The following KANK4 variants were observed in gnomAD, a reference collection of about 807,000 sequenced individuals.
KANK4 encodes the protein KN motif and ankyrin repeat domains 4.
A neutral mutation model predicts 80.8 loss-of-function variants in KANK4; 50 were observed. The observed-to-expected ratio is 0.62, with a 90% CI of 0.49 to 0.78. KANK4 has a LOEUF of 0.78. Ranked by LOEUF, KANK4 falls within the 30% of genes least tolerant of loss-of-function variation. The probability of loss-of-function intolerance (pLI) is 0.00; values close to 1 mark genes in which losing one functional copy is unlikely to be tolerated. For synonymous variants in KANK4, 465 were observed against 506.9 expected (o/e 0.92, Z 1.11); for missense variants, 1,196 against 1,240.1 (o/e 0.96, Z 0.53).
At chr1:62,307,853 TGAA>T (rs1047756315) in intron 1 of KANK4, among the ~76,000 whole-genome samples, 24 of 152,290 alleles carry the variant, frequency 1.6e-4, no homozygotes, top group African/African-American at 5.5e-4. Flanking sequence ...AAAAATGCTA[TGAA>T]GGTCAAACAG....
chr1:62,258,521 C>T (rs1323674016), intron 7 of KANK4, among the ~76,000 whole-genome samples: 4 of 152,172 alleles, frequency 2.6e-5, no homozygotes, highest in Non-Finnish European at 5.9e-5. Flanking sequence ...ATGTACGTTG[C>T]CTTTCCCGTT....
Position 62,273,738 on chromosome 1 carries a change from A to C in KANK4, c.1366T>G (p.Trp456Gly). Residue 456 changes from tryptophan to glycine, a missense_variant, in exon 3 of 10, where the codon TGG (tryptophan) becomes GGG (glycine). This residue lies in a region of KANK4 where 1,154 missense variants were observed against 1,179.6 expected (regional missense o/e 0.98). Coordinates refer to ENST00000371153, the MANE Select transcript of KANK4 (RefSeq NM_181712.5). ...CCTTGTTTATGACCATCTGGCCCCC[A>C]TAGGAGGCCATTCTCCTCTCCTCGG... ...GHRGEENGLL[W>G]GPDGHKQGNQ... The C allele has an allele frequency of 6.2e-7, 1 of 1,614,068 alleles. No homozygotes were observed. The highest frequency in any genetic ancestry group is 8.5e-7 in the Non-Finnish European group (1 of 1,179,970).
intron 9 of KANK4, among the ~76,000 whole-genome samples, chr1:62,242,812 T>C (rs978378803): frequency 2.0e-5 from 3 of 152,116 alleles, no homozygotes; most frequent in African/African-American, 7.2e-5. Flanking sequence ...ACGGAAATGA[T>C]ATGGTGGGTA....
intron 1 of KANK4, among the ~76,000 whole-genome samples, chr1:62,308,395 T>C (rs1207140729): frequency 6.6e-6 from 1 of 151,966 alleles, no homozygotes; most frequent in African/African-American, 2.4e-5. Context: ...GAGGATCCTG[T>C]AGAGAGCCCT....
Position 62,274,396 on chromosome 1 carries a change from C to T in KANK4, c.708G>A (p.Glu236=). 1 of 1,614,212 alleles carries T rather than the reference C, an allele frequency of 6.2e-7. No individual in the cohort carries two copies. Among genetic ancestry groups the T allele is most frequent in the Non-Finnish European group, 8.5e-7 (1 of 1,180,022 alleles). Residue 236 remains glutamate (E), a synonymous_variant, in exon 3 of 10, where the codon GAG becomes GAA. Transcript: ENST00000371153. ...ELVQEGAEPP[E]GVVKVPNHLP... ...GGTGATTTGGAACCTTCACCACACC[C>T]TCTGGAGGCTCAGCTCCCTCCTGGA... is the stretch of plus-strand genomic sequence containing the variant.
In KANK4 at chr1:62,274,662, C is replaced by A. The variant is rs1360440356; in HGVS notation, c.442G>T (p.Ala148Ser). The change falls in exon 3 of 10, where the codon GCC becomes TCC. Residue 148 changes from alanine (A) to serine (S), a missense_variant. Coordinates refer to ENST00000371153, the MANE Select transcript of KANK4 (RefSeq NM_181712.5). ...RQLEAAEPED[A>S]ELTFGSGRPQ... ...CGTCCACTCCCAAAAGTGAGCTCGG[C>A]ATCCTCTGGCTCAGCAGCTTCCAAC... 4 of 1,614,110 alleles carry A rather than the reference C, an allele frequency of 2.5e-6. No homozygotes were observed. The African/African-American group carries it at 4.0e-5, about 16-fold the overall frequency.
At position 62,302,699 on chromosome 1, in the gene KANK4, G is replaced by C. The variant is rs1644421762; in HGVS notation, c.-71+16407C>G. 3.3e-5 allele frequency among the ~76,000 whole-genome samples: 5 copies of C among 152,094 alleles called. No individual in the cohort carries two copies. In the South Asian group the frequency reaches 1.0e-3, roughly 32 times the overall value. On this transcript the variant is annotated intron_variant, in intron 1 of 9. Transcript: ENST00000371153. ...GAACCAGGAAGAGGGTTGTCCCCCA[G>C]ACGTGGAATCTGCCAGCGCTTTGAC... is the stretch of plus-strand genomic sequence containing the variant.
Position 62,271,522 on chromosome 1 carries a change from A to G in KANK4, c.1968T>C (p.Gly656=). 1 of 1,613,996 alleles carries G rather than the reference A, an allele frequency of 6.2e-7. No individual in the cohort carries two copies. ...KKKDYGFRAG[G]NGTKKNLQFV... ...ACTGAAGGTTCTTTTTGGTCCCATT[A>G]CCTCCTGCACGGAAGCCATAGTCTT... The change falls in exon 4 of 10, where the codon GGT becomes GGC. Residue 656 remains glycine (G), a synonymous_variant. Transcript: ENST00000371153.
chr1:62,313,146 A>T (rs939516769), intron 1 of KANK4, among the ~76,000 whole-genome samples: 1 of 152,180 alleles, frequency 6.6e-6, no homozygotes, highest in Non-Finnish European at 1.5e-5. Context: ...TATTGTTGTT[A>T]ATCTCTTACT....
At chr1:62,309,680 C>T (rs574971521) in intron 1 of KANK4, among the ~76,000 whole-genome samples, 2 of 152,180 alleles carry the variant, frequency 1.3e-5, no homozygotes, top group African/African-American at 4.8e-5. Flanking sequence ...TTTTTTGTCC[C>T]CATTTTACAG....
chr1:62,295,118 T>A (rs973380666), intron 1 of KANK4, among the ~76,000 whole-genome samples: 22 of 151,912 alleles, frequency 1.4e-4, no homozygotes, highest in African/African-American at 5.3e-4. Context: ...GGCAGACTTT[T>A]ATTAGTGACT....
chr1:62,258,894 A>G (rs541467912), intron 7 of KANK4, among the ~76,000 whole-genome samples: 11 of 152,308 alleles, frequency 7.2e-5, no homozygotes, highest in African/African-American at 2.4e-4. Context: ...GCCAGTCACA[A>G]GAAGAGCCTC....
chr1:62,254,435 T>A (rs1042071971), intron 7 of KANK4, among the ~76,000 whole-genome samples: 3 of 126,196 alleles, frequency 2.4e-5, no homozygotes, highest in African/African-American at 8.7e-5. Flanking sequence ...AGAGACAGAG[T>A]TTCACTGTAT....
intron 1 of KANK4, among the ~76,000 whole-genome samples, chr1:62,303,804 T>C (rs1644430707): frequency 6.6e-6 from 1 of 152,042 alleles, no homozygotes; most frequent in African/African-American, 2.4e-5. Context: ...TAAAATTAAT[T>C]TCACCTGTTT....
At chr1:62,271,835 G>C (rs563955178) in intron 3 of KANK4, 1 of 421,012 alleles carries the variant, frequency 2.4e-6, no homozygotes, top group Non-Finnish European at 4.4e-6. Flanking sequence ...ACCATGTGGC[G>C]TAGGTGCCAT....
chr1:62,236,412 G>C lies in KANK4; in HGVS notation c.*1865C>G, dbSNP rs565437876. 2.0e-5 allele frequency among the ~76,000 whole-genome samples: 3 copies of C among 152,104 alleles called. No homozygotes were observed. In the South Asian group the frequency reaches 6.2e-4, roughly 32 times the overall value. On this transcript the variant is annotated 3_prime_UTR_variant, in exon 10 of 10. Coordinates refer to ENST00000371153, the MANE Select transcript of KANK4 (RefSeq NM_181712.5). ...ATGTTGCTCTTACAATGTATTTTGA[G>C]GTCAAAATAAACTCATTTAAAGCAT...
rs767213804 is a variant in KANK4, at chr1:62,273,442, C to T, written c.1662G>A (p.Ser554=). The T allele has an allele frequency of 1.2e-5, 19 of 1,613,536 alleles. No homozygotes were observed. The highest frequency in any genetic ancestry group is 3.3e-5 in the South Asian group (3 of 90,928). ...ACTGCCCAATAGTGGCATCCGTTGG[C>T]GAGCTTGGTGGCCTTCCCGGGTGCT... ...GKEHPGRPPS[S]PTDATIGQYV... is the part of the protein sequence containing the mutation. The change falls in exon 3 of 10, where the codon TCG becomes TCA. Residue 554 remains serine (S), a synonymous_variant. Transcript: ENST00000371153.
chr1:62,279,876 C>T (rs1672415085), intron 2 of KANK4, among the ~76,000 whole-genome samples: 1 of 152,154 alleles, frequency 6.6e-6, no homozygotes, highest in Non-Finnish European at 1.5e-5. Flanking sequence ...CTCAGAGCTA[C>T]CTGGAATTCC....
intron 4 of KANK4, among the ~76,000 whole-genome samples, chr1:62,270,829 A>C (rs1672143865): frequency 6.6e-6 from 1 of 152,040 alleles, no homozygotes; most frequent in South Asian, 2.1e-4. Flanking sequence ...CACCTAACAA[A>C]ACTTATCTCA....
Sources: allele counts gnomAD v4.1 joint callset (sites outside exome capture counted in the v4.1 genomes callset), GRCh38; gene constraint gnomAD v4.1.1; regional missense constraint gnomAD v4.1.1; transcripts MANE v1.5; gene names NCBI Gene and HGNC (gene_info 2026-07-23, HGNC 2026-07-21).